ADRA1A: variants seen among roughly 807,000 people sequenced by gnomAD.
The protein encoded by ADRA1A is alpha-1A adrenergic receptor.
ADRA1A carries 31 observed loss-of-function variants against 29.6 expected under a neutral mutation model. The ratio of observed to expected loss-of-function variants is 1.05; its 90% CI spans 0.79 to 1.41. The LOEUF (loss-of-function observed/expected upper bound fraction) is 1.41, where lower values mean the gene tolerates loss of function less well. ADRA1A is among the 40% of genes most tolerant of loss of function. The pLI, the probability that ADRA1A is intolerant of heterozygous loss-of-function variation, is 0.00. For missense variants in ADRA1A, 619 were observed against 601.1 expected (o/e 1.03, Z -0.31); for synonymous variants, 311 against 254.3 (o/e 1.22, Z -2.12).
At chr8:26,774,100 C>T (rs1325503123) in intron 2 of ADRA1A, among the ~76,000 whole-genome samples, 1 of 152,216 alleles carries the variant, frequency 6.6e-6, no homozygotes, top group Non-Finnish European at 1.5e-5. Context: ...AGACCAGAGA[C>T]CTTCCTGTAA....
chr8:26,839,849 G>A (rs1171133755), intron 2 of ADRA1A, among the ~76,000 whole-genome samples: 1 of 152,096 alleles, frequency 6.6e-6, no homozygotes, highest in African/African-American at 2.4e-5. Context: ...ATTCCCCTAT[G>A]GCTAGAGAGA....
At chr8:26,793,573 T>C (rs983916175) in intron 2 of ADRA1A, among the ~76,000 whole-genome samples, 2 of 151,982 alleles carry the variant, frequency 1.3e-5, no homozygotes, top group Admixed American at 1.3e-4. Flanking sequence ...AAACTGGACA[T>C]GCCTCTGACA....
In ADRA1A at chr8:26,816,947, T is replaced by C. The variant is rs1394950519; in HGVS notation, c.884-46281A>G. Among the ~76,000 whole-genome samples, 6 of 152,208 alleles carry C rather than the reference T, an allele frequency of 3.9e-5. No individual in the cohort carries two copies. The East Asian group carries it at 1.2e-3, about 29-fold the overall frequency. On this transcript the variant is annotated intron_variant, in intron 2 of 2. Transcript: ENST00000380573. ...AGAAGAAAATGTAGTAGAAAAATCT[T>C]TGTCATCTGGAGTTAGTCAAGGATT...
Position 26,822,062 on chromosome 8 carries a change from G to GT in ADRA1A, c.883+42024dup, listed in dbSNP as rs544809923. Among the ~76,000 whole-genome samples the GT allele has an allele frequency of 2.0e-3, 308 of 152,292 alleles. 1 individual carries two copies. Among genetic ancestry groups the GT allele is most frequent in the African/African-American group, 7.1e-3 (296 of 41,564 alleles). On this transcript the variant is annotated intron_variant, in intron 2 of 2. Coordinates refer to ENST00000380573, the MANE Select transcript of ADRA1A (RefSeq NM_000680.4). ...AGCTGCTGTAAAAACTCCTGTACAA[G>GT]TTTTTTGTGTGACCATAAATTTTCA...
At chr8:26,801,033 A>T (rs962112770) in intron 2 of ADRA1A, among the ~76,000 whole-genome samples, 1 of 152,220 alleles carries the variant, frequency 6.6e-6, no homozygotes, top group African/African-American at 2.4e-5. Flanking sequence ...AAACTGTATG[A>T]TTATTTCAAT....
chr8:26,773,306 T>A (rs1179420836), intron 2 of ADRA1A, among the ~76,000 whole-genome samples: 3 of 152,232 alleles, frequency 2.0e-5, no homozygotes, highest in Non-Finnish European at 4.4e-5. Flanking sequence ...AAATGCTTTT[T>A]CGAACCTCAT....
At position 26,796,731 on chromosome 8, in the gene ADRA1A, G is replaced by A. The variant is rs1279101236; in HGVS notation, c.884-26065C>T. Among the ~76,000 whole-genome samples the A allele has an allele frequency of 6.6e-6, 1 of 152,094 alleles. No homozygotes were observed. The highest frequency in any genetic ancestry group is 1.5e-5 in the Non-Finnish European group (1 of 68,004). The stretch of plus-strand genomic sequence containing the variant: ...GATAGAGAGATGATTAATTTCGAAA[G>A]GGGGGTACAAGATGAAGGGACACCC... On this transcript the variant is annotated intron_variant, in intron 2 of 2. Coordinates refer to ENST00000380573, the MANE Select transcript of ADRA1A (RefSeq NM_000680.4). This position sits in a 1 kb window ranked among gnomAD's most constrained non-coding sequence, Gnocchi z 5.0.
At chr8:26,859,830 G>T (rs1280739593) in intron 2 of ADRA1A, among the ~76,000 whole-genome samples, 2 of 150,166 alleles carry the variant, frequency 1.3e-5, no homozygotes, top group East Asian at 3.9e-4. Context: ...GTGCAGTGGT[G>T]TGACTCAGCT....
chr8:26,769,259 A>G lies in ADRA1A; in HGVS notation c.*890T>C. ...GTTGAAATGGCTGTGCAGTAAGTGA[A>G]CAGCCTCTATCTTTGCAAGAAATTA... On this transcript the variant is annotated 3_prime_UTR_variant, in exon 3 of 3. Coordinates refer to ENST00000380573, the MANE Select transcript of ADRA1A (RefSeq NM_000680.4). 1.0e-6 allele frequency: 1 copy of G among 985,472 alleles called. No individual in the cohort carries two copies. The highest frequency in any genetic ancestry group is 1.2e-6 in the Non-Finnish European group (1 of 829,946). The allele number at this position is 985,472 out of a possible 1,614,324, so 61.0% of individuals were successfully genotyped here.
At position 26,865,745 on chromosome 8, in the gene ADRA1A, T is replaced by C; in HGVS notation, c.-686-90A>G. 1.0e-6 allele frequency: 1 copy of C among 983,816 alleles called. No homozygotes were observed. Among genetic ancestry groups the C allele is most frequent in the South Asian group, 4.7e-5 (1 of 21,252 alleles). The allele number at this position is 983,816 out of a possible 1,614,324, so 60.9% of individuals were successfully genotyped here. A position where few individuals can be genotyped will look rare whatever the true frequency, so the allele number is the denominator to read the frequency against. On this transcript the variant is annotated intron_variant, in intron 1 of 2. Transcript: ENST00000380573. The surrounding 1 kb of genome is among the most constrained non-coding windows in gnomAD (Gnocchi z 7.6). ...GCTTGACGGGTTGGGGGACACCAGT[T>C]GGGAGCCGGGTTGGTTCTGCGGTCC...
intron 2 of ADRA1A, among the ~76,000 whole-genome samples, chr8:26,807,854 T>C (rs982548252): frequency 3.3e-5 from 5 of 152,142 alleles, no homozygotes; most frequent in African/African-American, 1.2e-4. Flanking sequence ...CTATAAATTC[T>C]GCTCCCCTCC....
In ADRA1A at chr8:26,770,564, G is replaced by A; in HGVS notation, c.986C>T (p.Ser329Phe). The A allele has an allele frequency of 6.2e-7, 1 of 1,614,178 alleles. No homozygotes were observed. Residue 329 changes from serine (S) to phenylalanine (F), a missense_variant, in exon 3 of 3, where the codon TCC becomes TTC. By Grantham distance (155) the Ser-to-Phe change is radical (BLOSUM62 -2). Coordinates refer to ENST00000380573, the MANE Select transcript of ADRA1A (RefSeq NM_000680.4). ...AAAGGCCTTTTTGAACTCTTGGCTG[G>A]AGCATGGGTATATGATGGGGTTGAT... ...SCINPIIYPC[S>F]SQEFKKAFQN...
At position 26,848,782 on chromosome 8, in the gene ADRA1A, A is replaced by C. The variant is rs1812404543; in HGVS notation, c.883+15305T>G. 6.6e-6 allele frequency among the ~76,000 whole-genome samples: 1 copy of C among 152,210 alleles called. No individual in the cohort carries two copies. The highest frequency in any genetic ancestry group is 2.1e-4 in the South Asian group (1 of 4,826). ...TCTTGTGATCACAGCCACAAGGGAA[A>C]GCTCAGCTTACTGAACTGTGTAGGG... On this transcript the variant is annotated intron_variant, in intron 2 of 2. Transcript: ENST00000380573. The surrounding 1 kb of genome is among the most constrained non-coding windows in gnomAD (Gnocchi z 4.3).
rs542693676 is a variant in ADRA1A at position 26,771,572 on chromosome 8, CAGA to C, written c.884-909_884-907del. Among the ~76,000 whole-genome samples, 55 of 152,354 alleles carry C rather than the reference CAGA, an allele frequency of 3.6e-4. 2 individuals are homozygous for C. In the South Asian group the frequency reaches 0.01, roughly 28 times the overall value. On this transcript the variant is annotated intron_variant, in intron 2 of 2. Coordinates refer to ENST00000380573, the MANE Select transcript of ADRA1A (RefSeq NM_000680.4). ...GAGACTGCCACAGGGCATTTCGCAG[CAGA>C]AGAACAAAACTGTGAAGTCTTAAAA...
downstream of ADRA1A, chr8:26,766,172 G>T: frequency 1.3e-6 from 2 of 1,489,794 alleles, no homozygotes; most frequent in Non-Finnish European, 1.9e-6. Context: ...AAAAAAAGTT[G>T]GAATACAGGT....
At position 26,783,999 on chromosome 8, in the gene ADRA1A, G is replaced by A. The variant is rs561532777; in HGVS notation, c.884-13333C>T. Among the ~76,000 whole-genome samples, 59 of 151,906 alleles carry A rather than the reference G, an allele frequency of 3.9e-4. 1 individual carries two copies. The East Asian group carries it at 6.2e-3, about 16-fold the overall frequency. On this transcript the variant is annotated intron_variant, in intron 2 of 2. Transcript: ENST00000380573. ...AATGAACACAGGGACACAATGGGGG[G>A]AACAACATACACTGGGGCCTGTTTG...
chr8:26,850,957 G>A (rs913875229), intron 2 of ADRA1A, among the ~76,000 whole-genome samples: 3 of 152,170 alleles, frequency 2.0e-5, no homozygotes, highest in Non-Finnish European at 2.9e-5. Context: ...ACAGGGCATG[G>A]CCAACCTAGC....
chr8:26,786,994 C>T (rs915819774), intron 2 of ADRA1A, among the ~76,000 whole-genome samples: 10 of 152,226 alleles, frequency 6.6e-5, no homozygotes, highest in East Asian at 5.8e-4. Flanking sequence ...AAACATTATC[C>T]CATTTAATTC....
At chr8:26,839,268 C>T (rs1455778251) in intron 2 of ADRA1A, among the ~76,000 whole-genome samples, 3 of 151,586 alleles carry the variant, frequency 2.0e-5, no homozygotes, top group Non-Finnish European at 4.4e-5. Flanking sequence ...AAGTGATTCT[C>T]CTGCCTCAGC....
Sources: allele counts gnomAD v4.1 joint callset (sites outside exome capture counted in the v4.1 genomes callset), GRCh38; gene constraint gnomAD v4.1.1; non-coding constraint Gnocchi (gnomAD v3.1); transcripts MANE v1.5; gene names NCBI Gene and HGNC (gene_info 2026-07-23, HGNC 2026-07-21).